Variants in OMA1 observed in about 807,000 individuals in gnomAD.
The protein encoded by OMA1 is OMA1 zinc metallopeptidase.
A neutral mutation model predicts 30.9 loss-of-function variants in OMA1; 38 were observed. The ratio of observed to expected loss-of-function variants is 1.23; its 90% CI spans 0.95 to 1.61. OMA1 has a LOEUF of 1.61. OMA1 is among the 40% of genes most tolerant of loss of function. The probability of loss-of-function intolerance (pLI) is 0.00; values close to 1 mark genes in which losing one functional copy is unlikely to be tolerated. For synonymous variants in OMA1, 173 were observed against 121.9 expected (o/e 1.42, Z -2.76); for missense variants, 461 against 349.2 (o/e 1.32, Z -2.55).
chr1:58,508,561 GATC>G (rs1646025116), intron 7 of OMA1, among the ~76,000 whole-genome samples: 1 of 152,110 alleles, frequency 6.6e-6, no homozygotes, highest in Admixed American at 6.6e-5. Flanking sequence ...AGCACCATAT[GATC>G]ATAAGAACAC....
At chr1:58,520,044 T>C (rs867093475) in intron 7 of OMA1, among the ~76,000 whole-genome samples, 3 of 152,016 alleles carry the variant, frequency 2.0e-5, no homozygotes, top group Non-Finnish European at 4.4e-5. Context: ...GAGCTAAACA[T>C]TGACTACACA....
chr1:58,489,670 A>T (rs1362593370), intron 8 of OMA1, among the ~76,000 whole-genome samples: 2 of 152,204 alleles, frequency 1.3e-5, no homozygotes, highest in African/African-American at 4.8e-5. Context: ...ACCCCTGAGT[A>T]GCCTAACTGG....
At chr1:58,533,070 A>T (rs1315286733) in intron 5 of OMA1, among the ~76,000 whole-genome samples, 1 of 152,232 alleles carries the variant, frequency 6.6e-6, no homozygotes, top group Non-Finnish European at 1.5e-5. Flanking sequence ...ACAATTTAAA[A>T]AATACTTTCT....
intron 1 of OMA1, among the ~76,000 whole-genome samples, chr1:58,545,490 T>C (rs1230288996): frequency 7.1e-6 from 1 of 141,768 alleles, no homozygotes; most frequent in Non-Finnish European, 1.5e-5. Flanking sequence ...AGCCAATCAC[T>C]AGACTACAGA....
At chr1:58,500,278 T>C (rs1645885171) in intron 8 of OMA1, among the ~76,000 whole-genome samples, 1 of 152,190 alleles carries the variant, frequency 6.6e-6, no homozygotes, top group Non-Finnish European at 1.5e-5. Flanking sequence ...GCTGCTATGA[T>C]ATTTGCCTTT....
At chr1:58,502,144 T>C (rs938786960) in intron 8 of OMA1, among the ~76,000 whole-genome samples, 3 of 152,252 alleles carry the variant, frequency 2.0e-5, no homozygotes, top group South Asian at 2.1e-4. Context: ...ATTTTTGTGA[T>C]GATATGCAAG....
intron 8 of OMA1, among the ~76,000 whole-genome samples, chr1:58,486,475 C>T (rs1645577597): frequency 6.6e-6 from 1 of 152,130 alleles, no homozygotes; most frequent in Non-Finnish European, 1.5e-5. Flanking sequence ...AATTCTACTG[C>T]CAATTTTTCT....
chr1:58,524,853 GA>G (rs1646325660), intron 7 of OMA1, among the ~76,000 whole-genome samples: 1 of 152,164 alleles, frequency 6.6e-6, no homozygotes, highest in Non-Finnish European at 1.5e-5. Flanking sequence ...AGAACTGCAA[GA>G]GACCATTTAC....
intron 7 of OMA1, among the ~76,000 whole-genome samples, chr1:58,509,643 A>G (rs1646043272): frequency 6.6e-6 from 1 of 151,466 alleles, no homozygotes; most frequent in African/African-American, 2.4e-5. Flanking sequence ...AGAAGGAGGG[A>G]AATAATAAAG....
intron 6 of OMA1, 46 bp downstream of exon 6, chr1:58,530,555 C>CT: frequency 1.2e-6 from 1 of 824,996 alleles, no homozygotes; most frequent in East Asian, 2.4e-5. Flanking sequence ...ATTAAAATAT[C>CT]TTCACCAGAG....
chr1:58,513,401 A>T (rs1394280647), intron 7 of OMA1, among the ~76,000 whole-genome samples: 1 of 152,172 alleles, frequency 6.6e-6, no homozygotes, highest in Non-Finnish European at 1.5e-5. Flanking sequence ...AAATGGACTA[A>T]TACAGCAACT....
chr1:58,525,385 G>A (rs1646333655), intron 7 of OMA1, among the ~76,000 whole-genome samples: 1 of 152,062 alleles, frequency 6.6e-6, no homozygotes, highest in Admixed American at 6.5e-5. Context: ...AGATTGGAAA[G>A]GAAGAAATAA....
rs1185659468 is a variant in OMA1 at position 58,481,254 on chromosome 1, C to A, written c.1366-80G>T. ...GATTGTTTCAGTAATCCCTAATATG[C>A]TCCATGTAAAACAAAGAATGTATTG... On this transcript the variant is annotated intron_variant, in intron 8 of 8. Coordinates refer to ENST00000371226, the MANE Select transcript of OMA1 (RefSeq NM_145243.5). The A allele has an allele frequency of 1.4e-5, 7 of 493,218 alleles. No individual in the cohort carries two copies. In the Admixed American group the frequency reaches 1.5e-4, roughly 11 times the overall value. 30.6% of individuals were successfully genotyped at this position (493,218 alleles called of 1,614,324 possible).
chr1:58,496,001 C>G (rs1218333803), intron 8 of OMA1, among the ~76,000 whole-genome samples: 13 of 152,084 alleles, frequency 8.5e-5, no homozygotes, highest in Admixed American at 7.9e-4. Context: ...ATGGATGATA[C>G]TCTGGGAATC....
chr1:58,491,882 C>A (rs1645699287), intron 8 of OMA1, among the ~76,000 whole-genome samples: 1 of 152,112 alleles, frequency 6.6e-6, no homozygotes, highest in Admixed American at 6.5e-5. Flanking sequence ...CAAGGATATC[C>A]AGGAATTGAA....
At chr1:58,507,337 A>C (rs1170238627) in intron 7 of OMA1, among the ~76,000 whole-genome samples, 1 of 151,988 alleles carries the variant, frequency 6.6e-6, no homozygotes, top group Non-Finnish European at 1.5e-5. Context: ...ATAATAGTGT[A>C]ATTGTGAAAC....
intron 8 of OMA1, among the ~76,000 whole-genome samples, chr1:58,487,428 A>G (rs1310517842): frequency 1.3e-5 from 2 of 152,212 alleles, no homozygotes; most frequent in East Asian, 1.9e-4. Flanking sequence ...AAATTCTTTT[A>G]AAGTTATTGT....
rs538991677 is a variant in OMA1, at chr1:58,546,390, G to A, written c.-17+313C>T. 3.3e-5 allele frequency among the ~76,000 whole-genome samples: 5 copies of A among 152,296 alleles called. 1 individual carries two copies. The South Asian group carries it at 1.0e-3, about 32-fold the overall frequency. On this transcript the variant is annotated intron_variant, in intron 1 of 8. Transcript: ENST00000371226. ...CTGAGGGGGAGGGCAGGCGGCCCACGAAAGTACTGCCACGGGGCAGACACA... is the reference window on the plus strand; with the variant it reads ...CTGAGGGGGAGGGCAGGCGGCCCACAAAAGTACTGCCACGGGGCAGACACA...
intron 8 of OMA1, among the ~76,000 whole-genome samples, chr1:58,504,034 T>A (rs1645948648): frequency 6.6e-6 from 1 of 152,190 alleles, no homozygotes; most frequent in Non-Finnish European, 1.5e-5. Flanking sequence ...CCTACCAGGA[T>A]TATGAGAGTC....
Sources: gnomAD v4.1 joint callset for allele counts (sites outside exome capture counted in the v4.1 genomes callset) on GRCh38, gnomAD v4.1.1 for gene constraint, MANE v1.5 for transcripts, NCBI Gene and HGNC (gene_info 2026-07-23, HGNC 2026-07-21) for gene names.